AOPEP: variants seen among roughly 807,000 people sequenced by gnomAD.
The protein encoded by AOPEP is aminopeptidase O (putative), also known as aminopeptidase O.
A neutral mutation model predicts 98.1 loss-of-function variants in AOPEP; 77 were observed. The observed-to-expected ratio is 0.78, with a 90% CI of 0.65 to 0.95. The LOEUF is 0.95. Among genes scored for constraint, AOPEP ranks in the 40% least tolerant of loss-of-function variants. The probability of loss-of-function intolerance (pLI) is 0.00; values close to 1 mark genes in which losing one functional copy is unlikely to be tolerated. For synonymous variants in AOPEP, 346 were observed against 365.3 expected, an observed-to-expected ratio of 0.95 and a Z score of 0.60; for missense variants, 1,024 against 1,024.7, an observed-to-expected ratio of 1.00 and a Z score of 0.01.
intron 9 of AOPEP, among the ~76,000 whole-genome samples, chr9:94,963,689 C>G (rs943994223): frequency 3.3e-4 from 50 of 152,048 alleles, no homozygotes; most frequent in African/African-American, 1.2e-3. Context: ...CTATTTGTTG[C>G]TAGCTAACTT....
At chr9:94,989,523 CTG>C (rs1276327928) in intron 11 of AOPEP, among the ~76,000 whole-genome samples, 1 of 151,898 alleles carries the variant, frequency 6.6e-6, no homozygotes, top group Non-Finnish European at 1.5e-5. Flanking sequence ...GCATGAGCCA[CTG>C]TGCCTGGCCA....
chr9:94,996,411 TTCA>T, intron 11 of AOPEP, among the ~76,000 whole-genome samples: 1 of 151,386 alleles, frequency 6.6e-6, no homozygotes, highest in East Asian at 2.0e-4. Flanking sequence ...ATTTTACTTC[TTCA>T]TCAAGGGATG....
chr9:95,049,476 G>A (rs2133760889), intron 13 of AOPEP, among the ~76,000 whole-genome samples: 1 of 152,244 alleles, frequency 6.6e-6, no homozygotes, highest in South Asian at 2.1e-4. Context: ...TGAGGGGAGG[G>A]ACGGAAAGTA....
At chr9:95,027,895 A>C (rs577576691) in intron 13 of AOPEP, among the ~76,000 whole-genome samples, 2 of 152,304 alleles carry the variant, frequency 1.3e-5, no homozygotes, top group African/African-American at 4.8e-5. Context: ...CTATTTTTCT[A>C]AATAAGTCGT....
At chr9:94,823,577 C>A (rs1438926943) in intron 5 of AOPEP, among the ~76,000 whole-genome samples, 1 of 152,176 alleles carries the variant, frequency 6.6e-6, no homozygotes, top group African/African-American at 2.4e-5. Context: ...CTCCTGGGGG[C>A]TTTTAGGTGT....
the AOPEP span, among the ~76,000 whole-genome samples, chr9:95,093,368 C>A: frequency 6.6e-6 from 1 of 152,116 alleles, no homozygotes; most frequent in Non-Finnish European, 1.5e-5. Context: ...AACATAAGTC[C>A]TGTGAATAAG....
At chr9:94,950,126 G>A (rs542774473) in intron 7 of AOPEP, among the ~76,000 whole-genome samples, 2 of 152,308 alleles carry the variant, frequency 1.3e-5, no homozygotes, top group South Asian at 4.1e-4. Context: ...TAGTAGTAGA[G>A]TGAGTTCCTG....
At position 94,800,851 on chromosome 9, in the gene AOPEP, C is replaced by G; in HGVS notation, c.1213C>G (p.Pro405Ala). 1 of 1,614,198 alleles carries G rather than the reference C, an allele frequency of 6.2e-7. No individual in the cohort carries two copies. The highest frequency in any genetic ancestry group is 1.1e-5 in the South Asian group (1 of 91,076). Reference protein sequence around the residue: ...QEIIPHRVFAPVCLTGACQET... With the variant: ...QEIIPHRVFAAVCLTGACQET... The stretch of plus-strand genomic sequence containing the variant: ...GATCATTCCTCATCGGGTCTTTGCC[C>G]CTGTGTGCCTCACGGGTGCCTGCCA... The change falls in exon 5 of 17, where the codon CCT becomes GCT. Residue 405 changes from proline to alanine, a missense_variant. Physicochemically the swap from Pro to Ala is conservative, Grantham distance 27. This residue lies in a region of AOPEP where 566 missense variants were observed against 551.7 expected (regional missense o/e 1.03). Coordinates refer to ENST00000375315, the MANE Select transcript of AOPEP (RefSeq NM_001193329.3).
chr9:95,093,525 T>A, the AOPEP span, among the ~76,000 whole-genome samples: 1 of 152,162 alleles, frequency 6.6e-6, no homozygotes, highest in Non-Finnish European at 1.5e-5. Flanking sequence ...GAGTCTTCCT[T>A]TGCATACTTG....
intron 4 of AOPEP, among the ~76,000 whole-genome samples, chr9:94,793,532 C>G (rs1321362034): frequency 2.0e-5 from 3 of 151,312 alleles, no homozygotes; most frequent in Non-Finnish European, 4.4e-5. Context: ...CAGAAATTAG[C>G]TGGGCATGGT....
the AOPEP span, among the ~76,000 whole-genome samples, chr9:95,104,856 C>T: frequency 6.6e-6 from 1 of 152,184 alleles, no homozygotes; most frequent in African/African-American, 2.4e-5. Context: ...CATCTCCCCA[C>T]TGCCCCTCCC....
intron 7 of AOPEP, among the ~76,000 whole-genome samples, chr9:94,949,044 T>C (rs1296969129): frequency 6.6e-6 from 1 of 152,256 alleles, no homozygotes; most frequent in Non-Finnish European, 1.5e-5. Flanking sequence ...GCCTGTGCAG[T>C]CACATGGGTG....
chr9:95,115,775 T>C, the AOPEP span, among the ~76,000 whole-genome samples: 59 of 152,366 alleles, frequency 3.9e-4, no homozygotes, highest in African/African-American at 1.4e-3. Flanking sequence ...GCACAGCCTT[T>C]TGAAGGTATT....
At chr9:94,837,763 T>C (rs1220922031) in intron 5 of AOPEP, among the ~76,000 whole-genome samples, 2 of 152,166 alleles carry the variant, frequency 1.3e-5, no homozygotes, top group African/African-American at 4.8e-5. Flanking sequence ...CATACCCCAA[T>C]GTAAATAAAA....
intron 5 of AOPEP, among the ~76,000 whole-genome samples, chr9:94,906,479 T>TAATAAC (rs2051158736): frequency 7.8e-6 from 1 of 127,820 alleles, no homozygotes; most frequent in Admixed American, 7.9e-5. Flanking sequence ...ATAATAATAA[T>TAATAAC]AATAAAAAAA....
intron 7 of AOPEP, among the ~76,000 whole-genome samples, chr9:94,951,873 AT>A (rs2058122358): frequency 6.6e-6 from 1 of 152,070 alleles, no homozygotes; most frequent in Admixed American, 6.6e-5. Flanking sequence ...TAGCAGTCAC[AT>A]TTTCCCCCTT....
intron 11 of AOPEP, among the ~76,000 whole-genome samples, chr9:94,997,014 T>G (rs2132490287): frequency 1.3e-5 from 2 of 152,342 alleles, no homozygotes; most frequent in South Asian, 4.1e-4. Context: ...TAGAACATCA[T>G]CTACAGATGA....
chr9:94,856,656 A>G (rs1010846508), intron 5 of AOPEP, among the ~76,000 whole-genome samples: 1 of 127,244 alleles, frequency 7.9e-6, no homozygotes, highest in Non-Finnish European at 1.7e-5. Flanking sequence ...AAAAAAAAAA[A>G]AAAAAAAGCA....
At chr9:94,954,339 A>C (rs1430604690) in intron 7 of AOPEP, among the ~76,000 whole-genome samples, 2 of 152,118 alleles carry the variant, frequency 1.3e-5, no homozygotes, top group Admixed American at 6.5e-5. Flanking sequence ...GAAAAAAAAG[A>C]CTTTGAGTGG....
Sources: allele counts gnomAD v4.1 joint callset (sites outside exome capture counted in the v4.1 genomes callset), GRCh38; gene constraint gnomAD v4.1.1; regional missense constraint gnomAD v4.1.1; transcripts MANE v1.5; gene names NCBI Gene and HGNC (gene_info 2026-07-23, HGNC 2026-07-21).